Variants in PAN2 observed in about 807,000 individuals in gnomAD.
PAN2 encodes PAN2-PAN3 deadenylation complex catalytic subunit PAN2.
PAN2 carries 68 observed loss-of-function variants against 133.3 expected under a neutral mutation model. That is an observed-to-expected ratio of 0.51 (90% CI 0.42 to 0.62). The LOEUF (loss-of-function observed/expected upper bound fraction) is 0.62. PAN2 is among the 20% of genes least tolerant of loss of function. The pLI, the probability that PAN2 is intolerant of heterozygous loss-of-function variation, is 0.00. For synonymous variants in PAN2, 462 were observed against 544.6 expected, an observed-to-expected ratio of 0.85 and a Z score of 2.11; for missense variants, 1,042 against 1,500.5, an observed-to-expected ratio of 0.69 and a Z score of 5.05.
chr12:56,324,281 C>T lies in PAN2; in HGVS notation c.1928+13G>A. 1 of 1,612,884 alleles carries T rather than the reference C, an allele frequency of 6.2e-7. No homozygotes were observed. Among genetic ancestry groups the T allele is most frequent in the Non-Finnish European group, 8.5e-7 (1 of 1,179,942 alleles). ...TCATGATGGCTTTAACTATTTCTATCCTGATTTCATACCTGCCTCCAGCAC... is the reference window on the plus strand; with the variant it reads ...TCATGATGGCTTTAACTATTTCTATTCTGATTTCATACCTGCCTCCAGCAC... On this transcript the variant is annotated intron_variant, in intron 12 of 25. Transcript: ENST00000440411.
Position 56,319,258 on chromosome 12 carries a change from C to A in PAN2, c.3270+50G>T, listed in dbSNP as rs1874231514. 1 of 1,612,162 alleles carries A rather than the reference C, an allele frequency of 6.2e-7. No individual in the cohort carries two copies. Among genetic ancestry groups the A allele is most frequent in the Non-Finnish European group, 8.5e-7 (1 of 1,178,938 alleles). On this transcript the variant is annotated intron_variant, in intron 23 of 25. Transcript: ENST00000440411. The surrounding 1 kb of genome is among the most constrained non-coding windows in gnomAD (Gnocchi z 5.4). ...CATTCTCTAAAGGCACAATGTATAC[C>A]CTGAGGGGCCCACTCTCACAAGAAG...
intron 8 of PAN2, 36 bp from the exon 9 acceptor site, chr12:56,325,490 T>C: frequency 2.5e-6 from 4 of 1,611,242 alleles, no homozygotes; most frequent in Non-Finnish European, 3.4e-6. Context: ...TTGTTGGATG[T>C]CTTGTCATCT....
rs768493941 is a variant in PAN2, at chr12:56,325,404, C to T, written c.1410G>A (p.Gln470=). The T allele has an allele frequency of 1.9e-6, 3 of 1,614,158 alleles. No individual in the cohort carries two copies. In the South Asian group the frequency reaches 3.3e-5, roughly 18 times the overall value. The change falls in exon 9 of 26, where the codon CAG becomes CAA. Residue 470 remains glutamine (Q), a synonymous_variant. Coordinates refer to ENST00000440411, the MANE Select transcript of PAN2 (RefSeq NM_014871.6). The stretch of plus-strand genomic sequence containing the variant: ...CTCGTCCTACTGGTGACTCAGTGAC[C>T]TGGCTGAAGCTGTCAAATTCACTGT... The part of the protein sequence containing the change: ...ESDSEFDSFS[Q]VTESPVGREE...
intron 25 of PAN2, among the ~76,000 whole-genome samples, chr12:56,317,873 T>C (rs1726110267): frequency 1.3e-5 from 2 of 152,352 alleles, no homozygotes; most frequent in Middle Eastern, 3.4e-3. Context: ...ATTCTCCATA[T>C]GTGCAATCAA....
rs192249493 is a variant in PAN2 at position 56,322,677 on chromosome 12, G to C, written c.2575C>G (p.Arg859Gly). 1 of 1,614,154 alleles carries C rather than the reference G, an allele frequency of 6.2e-7. No individual in the cohort carries two copies. The highest frequency in any genetic ancestry group is 1.3e-5 in the African/African-American group (1 of 75,044). ...MATVVHILDSRTGGSLVAHIK... is the reference protein window; with the variant it reads ...MATVVHILDSGTGGSLVAHIK... Reference sequence around the variant, plus strand: ...TGAGCCACCAGGCTGCCCCCTGTGCGTGAGTCCAGGATGTGTACCACAGTA... The same window carrying C: ...TGAGCCACCAGGCTGCCCCCTGTGCCTGAGTCCAGGATGTGTACCACAGTA... The change falls in exon 18 of 26, where the codon CGC (arginine) becomes GGC (glycine). Residue 859 changes from arginine (R) to glycine (G), a missense_variant. By Grantham distance (125) the Arg-to-Gly change is moderately radical. Transcript: ENST00000440411.
intron 8 of PAN2, 24 bp from the exon 9 acceptor site, chr12:56,325,478 C>A (rs764537230): frequency 6.2e-7 from 1 of 1,612,896 alleles, no homozygotes; most frequent in South Asian, 1.1e-5. Flanking sequence ...GAAGAGGTAA[C>A]CTTGTTGGAT....
At chr12:56,329,942 T>TAA (rs11304868) in intron 2 of PAN2, among the ~76,000 whole-genome samples, 5 of 130,128 alleles carry the variant, frequency 3.8e-5, no homozygotes, top group East Asian at 4.5e-4. Flanking sequence ...AGATTCCACC[T>TAA]AAAAAAAAAA....
rs755181383 is a variant in PAN2, at chr12:56,333,057, T to C, written c.38A>G (p.Tyr13Cys). The part of the protein sequence containing the change: ...FEGLDPGLAE[Y>C]APAMHSALDP... Reference sequence around the variant, plus strand: ...CAGGGCAGAATGCATGGCTGGGGCATATTCTGCCAGTCCAGGGTCCAGACC... The same window carrying C: ...CAGGGCAGAATGCATGGCTGGGGCACATTCTGCCAGTCCAGGGTCCAGACC... The change falls in exon 2 of 26, where the codon TAT (tyrosine) becomes TGT (cysteine). Residue 13 changes from tyrosine to cysteine, a missense_variant. Coordinates refer to ENST00000440411, the MANE Select transcript of PAN2 (RefSeq NM_014871.6). The C allele has an allele frequency of 1.2e-5, 19 of 1,614,002 alleles. No individual in the cohort carries two copies. Among genetic ancestry groups the C allele is most frequent in the Admixed American group, 1.7e-5 (1 of 59,994 alleles).
At position 56,324,435 on chromosome 12, in the gene PAN2, A is replaced by G; in HGVS notation, c.1787T>C (p.Ile596Thr). ...TGAGGCCTCATCTGAGTCAGCCAGG[A>G]TTAGACCGAGGGCTGAGGCCTCAGG... ...TIPEASALGL[I>T]LADSDEASGK... Residue 596 changes from isoleucine (I) to threonine (T), a missense_variant, in exon 12 of 26, where the codon ATC (isoleucine) becomes ACC (threonine). This residue lies in a region of PAN2 where 908 missense variants were observed against 1,223.5 expected (regional missense o/e 0.74). Coordinates refer to ENST00000440411, the MANE Select transcript of PAN2 (RefSeq NM_014871.6). 1.2e-6 allele frequency: 2 copies of G among 1,614,192 alleles called. No homozygotes were observed. Among genetic ancestry groups the G allele is most frequent in the Non-Finnish European group, 1.7e-6 (2 of 1,180,038 alleles).
At position 56,319,970 on chromosome 12, in the gene PAN2, C is replaced by T. The variant is rs753664652; in HGVS notation, c.2840G>A (p.Arg947Gln). ...SVLLAEASLA[R>Q]KQRKTHTTFI... is the part of the protein sequence containing the mutation. ...GGTAGTATGTGTTTTCCGCTGCTTC[C>T]GTGCCAGCGAGGCTTCAGCCAGCAA... The change falls in exon 21 of 26, where the codon CGG becomes CAG. Residue 947 changes from arginine (R) to glutamine (Q), a missense_variant. Arg to Gln is a conservative substitution (Grantham distance 43). Around this residue, in one of 3 missense-constraint regions of PAN2, gnomAD observed 908 missense variants for 1,223.5 expected, o/e 0.74. Transcript: ENST00000440411. The surrounding 1 kb of genome is among the most constrained non-coding windows in gnomAD (Gnocchi z 5.4). 15 of 1,614,146 alleles carry T rather than the reference C, an allele frequency of 9.3e-6. No homozygotes were observed. In the Admixed American group the frequency reaches 1.0e-4, roughly 11 times the overall value.
In PAN2 at chr12:56,326,454, A is replaced by C. The variant is rs780823467; in HGVS notation, c.1263-45T>G. Reference sequence around the variant, plus strand: ...TAGGACTTAAAGAGTTGTGGTGTACACTGGTCCACTCCCCAATCCCCAAGG... The same window carrying C: ...TAGGACTTAAAGAGTTGTGGTGTACCCTGGTCCACTCCCCAATCCCCAAGG... On this transcript the variant is annotated intron_variant, in intron 7 of 25. Coordinates refer to ENST00000440411, the MANE Select transcript of PAN2 (RefSeq NM_014871.6). The C allele has an allele frequency of 3.9e-6, 6 of 1,543,218 alleles. No homozygotes were observed. The Admixed American group carries it at 9.7e-5, about 25-fold the overall frequency.
chr12:56,322,503 C>A (rs758735567), intron 18 of PAN2, 21 bp from the exon 19 acceptor site: 1 of 1,613,238 alleles, frequency 6.2e-7, no homozygotes, highest in South Asian at 1.1e-5. Context: ...ACAAAGAAAG[C>A]CTGTGGCGAT....
chr12:56,331,099 C>T lies in PAN2; in HGVS notation c.282+1714G>A, dbSNP rs959979103. Among the ~76,000 whole-genome samples the T allele has an allele frequency of 3.9e-5, 6 of 152,140 alleles. 1 individual carries two copies. Among genetic ancestry groups the T allele is most frequent in the African/African-American group, 1.4e-4 (6 of 41,444 alleles). On this transcript the variant is annotated intron_variant, in intron 2 of 25. Transcript: ENST00000440411. ...ACAGGTGTGAGTCACCATGCCCAGC[C>T]AGCATTTTTCTTAACAGTACTAATC...
chr12:56,323,741 C>A, intron 14 of PAN2, 66 bp downstream of exon 14: 1 of 1,453,122 alleles, frequency 6.9e-7, no homozygotes, highest in Non-Finnish European at 9.7e-7. Context: ...GCCAGCCCCA[C>A]ATGGGATAGT....
intron 2 of PAN2, among the ~76,000 whole-genome samples, chr12:56,328,937 A>G (rs113931679): frequency 4.6e-5 from 7 of 152,186 alleles, no homozygotes; most frequent in Non-Finnish European, 8.8e-5. Context: ...CAGTATATAG[A>G]AGGTCAGGGA....
chr12:56,323,009 C>T (rs1874732609), intron 17 of PAN2, 53 bp downstream of exon 17: 2 of 1,606,410 alleles, frequency 1.2e-6, no homozygotes, highest in African/African-American at 2.7e-5. Flanking sequence ...CCTTTACCTT[C>T]TGCCCCACCT....
chr12:56,329,875 C>T (rs1164100650), intron 2 of PAN2, among the ~76,000 whole-genome samples: 2 of 146,202 alleles, frequency 1.4e-5, no homozygotes, highest in African/African-American at 5.1e-5. Context: ...ACCTGGGAGG[C>T]AGAGGTTGCA....
Position 56,326,369 on chromosome 12 carries a change from T to C in PAN2, c.1303A>G (p.Lys435Glu), listed in dbSNP as rs1162084673. 1 of 1,603,886 alleles carries C rather than the reference T, an allele frequency of 6.2e-7. No homozygotes were observed. Among genetic ancestry groups the C allele is most frequent in the Non-Finnish European group, 8.5e-7 (1 of 1,173,538 alleles). Residue 435 changes from lysine (K) to glutamate (E), a missense_variant, in exon 8 of 26, where the codon AAG becomes GAG. Physicochemically the swap from Lys to Glu is moderately conservative, Grantham distance 56 (BLOSUM62 1). Around this residue, in one of 3 missense-constraint regions of PAN2, gnomAD observed 908 missense variants for 1,223.5 expected, o/e 0.74. Coordinates refer to ENST00000440411, the MANE Select transcript of PAN2 (RefSeq NM_014871.6). ...GCATAGCCAATGAAGCCCACCTTCT[T>C]CATGGTGCGCAGAATCTCTGCATCC... is the stretch of plus-strand genomic sequence containing the variant. ...PVDAEILRTM[K>E]KVGFIGYAPN...
Position 56,333,210 on chromosome 12 carries a change from TG to T in PAN2, c.-114-3del, listed in dbSNP as rs1876100698. 5 of 1,099,946 alleles carry T rather than the reference TG, an allele frequency of 4.5e-6. No individual in the cohort carries two copies. Among genetic ancestry groups the T allele is most frequent in the Non-Finnish European group, 6.6e-6 (5 of 758,058 alleles). 68.1% of individuals were successfully genotyped at this position (1,099,946 alleles called of 1,614,324 possible). A position where few individuals can be genotyped will look rare whatever the true frequency, so the allele number is the denominator to read the frequency against. ...TGGGCCTAGAATGGACATCCTGGCC[TG>T]TAAGGGGAAAGAGGTAGCTGAGTCA... On this transcript the variant is annotated splice_region_variant and splice_polypyrimidine_tract_variant and intron_variant, in intron 1 of 25. Transcript: ENST00000440411.
Sources: allele counts gnomAD v4.1 joint callset (sites outside exome capture counted in the v4.1 genomes callset), GRCh38; gene constraint gnomAD v4.1.1; regional missense constraint gnomAD v4.1.1; non-coding constraint Gnocchi (gnomAD v3.1); transcripts MANE v1.5; gene names NCBI Gene and HGNC (gene_info 2026-07-23, HGNC 2026-07-21).